Variants in BTG4 observed in about 807,000 individuals in gnomAD.
The protein encoded by BTG4 is BTG anti-proliferation factor 4, also known as protein BTG4.
In BTG4, 10 loss-of-function variants were observed where a neutral mutation model predicts 19.3. The observed-to-expected ratio is 0.52, with a 90% CI of 0.32 to 0.88. BTG4 has a LOEUF of 0.88. Among genes scored for constraint, BTG4 ranks in the 40% least tolerant of loss-of-function variants. The pLI is 0.04. For synonymous variants in BTG4, 91 were observed against 95.7 expected (o/e 0.95, Z 0.29); for missense variants, 238 against 281.9 (o/e 0.84, Z 1.11).
intron 5 of BTG4, among the ~76,000 whole-genome samples, chr11:111,487,423 T>A (rs971455845): frequency 4.6e-5 from 7 of 152,170 alleles, no homozygotes; most frequent in Admixed American, 2.0e-4. Flanking sequence ...CCTTCATTTT[T>A]AAAATACTCA....
chr11:111,387,438 T>G, the BTG4 span, among the ~76,000 whole-genome samples: 1 of 152,242 alleles, frequency 6.6e-6, no homozygotes, highest in Non-Finnish European at 1.5e-5. Context: ...ATCATATTCA[T>G]GTGATCAAAT....
At chr11:111,501,816 T>C (rs1012534964) in intron 1 of BTG4, among the ~76,000 whole-genome samples, 3 of 152,318 alleles carry the variant, frequency 2.0e-5, no homozygotes, top group South Asian at 2.1e-4. Context: ...TTTTTAAAAA[T>C]TGTTTAAAAG....
At chr11:111,500,188 T>A (rs1865981512) in intron 1 of BTG4, among the ~76,000 whole-genome samples, 1 of 152,040 alleles carries the variant, frequency 6.6e-6, no homozygotes, top group African/African-American at 2.4e-5. Context: ...TTCTTGGACC[T>A]TATTTCAGAT....
downstream of BTG4, chr11:111,463,595 C>A (rs952842274): frequency 1.3e-5 from 2 of 152,498 alleles, no homozygotes; most frequent in African/African-American, 4.8e-5. Context: ...GCGTGTGTCC[C>A]CAGTAGGTTC....
the BTG4 span, among the ~76,000 whole-genome samples, chr11:111,415,735 C>A: frequency 6.6e-6 from 1 of 152,134 alleles, no homozygotes; most frequent in Non-Finnish European, 1.5e-5. Context: ...GAGCCAGAGA[C>A]CCACAGTTTA....
intron 5 of BTG4, among the ~76,000 whole-genome samples, chr11:111,489,655 A>G (rs1022959458): frequency 6.6e-6 from 1 of 152,240 alleles, no homozygotes; most frequent in Non-Finnish European, 1.5e-5. Flanking sequence ...TCATTTACGA[A>G]GAATAAAATC....
chr11:111,387,659 C>G, the BTG4 span, among the ~76,000 whole-genome samples: 1 of 152,272 alleles, frequency 6.6e-6, no homozygotes, highest in East Asian at 1.9e-4. Context: ...AGTGTCCATG[C>G]CCCATTTTGC....
At chr11:111,447,426 A>G in the BTG4 span, among the ~76,000 whole-genome samples, 18 of 152,340 alleles carry the variant, frequency 1.2e-4, no homozygotes, top group African/African-American at 3.8e-4. Context: ...ACACGCACCA[A>G]AGGCAGAAGC....
the BTG4 span, among the ~76,000 whole-genome samples, chr11:111,433,152 T>C: frequency 8.0e-3 from 1,217 of 152,248 alleles, 15 homozygotes; most frequent in African/African-American, 0.028. Context: ...GGGCGCAATA[T>C]AAAATACACT....
chr11:111,386,400 T>A, the BTG4 span: 1 of 152,174 alleles, frequency 6.6e-6, no homozygotes, highest in Non-Finnish European at 1.5e-5. Context: ...TGTCATCAAC[T>A]CAGACATGGA....
At chr11:111,437,777 T>C in the BTG4 span, among the ~76,000 whole-genome samples, 72 of 152,302 alleles carry the variant, frequency 4.7e-4, 1 homozygote, top group East Asian at 0.013. Flanking sequence ...GGTCTCTTAC[T>C]TGCTTCTGCT....
At chr11:111,415,463 G>A in the BTG4 span, among the ~76,000 whole-genome samples, 3 of 152,236 alleles carry the variant, frequency 2.0e-5, no homozygotes, top group African/African-American at 7.2e-5. Flanking sequence ...CTATTTGAAA[G>A]CATCATGCCC....
intron 5 of BTG4, among the ~76,000 whole-genome samples, chr11:111,479,191 C>G (rs992033647): frequency 6.6e-6 from 1 of 152,030 alleles, no homozygotes; most frequent in Non-Finnish European, 1.5e-5. Flanking sequence ...AACCAGGAAG[C>G]CAGGAAGAAG....
the BTG4 span, among the ~76,000 whole-genome samples, chr11:111,425,074 T>C: frequency 1.3e-4 from 20 of 152,204 alleles, no homozygotes; most frequent in Admixed American, 9.8e-4. Flanking sequence ...CATAGAGGGC[T>C]ACATGAAGGA....
At chr11:111,505,268 C>T (rs1432987801) in intron 1 of BTG4, among the ~76,000 whole-genome samples, 1 of 151,740 alleles carries the variant, frequency 6.6e-6, no homozygotes, top group East Asian at 1.9e-4. Context: ...CAAAAATAAA[C>T]CCAGAGATTA....
chr11:111,443,250 G>C, the BTG4 span, among the ~76,000 whole-genome samples: 1 of 152,128 alleles, frequency 6.6e-6, no homozygotes, highest in Non-Finnish European at 1.5e-5. Context: ...CAAAAACAAG[G>C]AAAATTTGAG....
chr11:111,448,894 A>T, the BTG4 span, among the ~76,000 whole-genome samples: 1 of 152,192 alleles, frequency 6.6e-6, no homozygotes, highest in Admixed American at 6.5e-5. Flanking sequence ...TACCCAAAAA[A>T]AAAATTGTCT....
rs1448749646 is a variant in BTG4 at position 111,495,072 on chromosome 11, T to C, written c.*63A>G. On this transcript the variant is annotated 3_prime_UTR_variant, in exon 5 of 5. Transcript: ENST00000692032. ...GGGCCTCTCAACCTTAAATTCATTT[T>C]TATTTTAGAGAGAATAAAGGCACTC... is the stretch of plus-strand genomic sequence containing the variant. The C allele has an allele frequency of 7.0e-7, 1 of 1,423,332 alleles. No individual in the cohort carries two copies. Among genetic ancestry groups the C allele is most frequent in the Non-Finnish European group, 9.2e-7 (1 of 1,089,956 alleles). 88.2% of individuals were successfully genotyped at this position (1,423,332 alleles called of 1,614,324 possible).
the BTG4 span, among the ~76,000 whole-genome samples, chr11:111,384,171 C>T: frequency 6.6e-6 from 1 of 152,106 alleles, no homozygotes; most frequent in African/African-American, 2.4e-5. Flanking sequence ...AAAGTAACGG[C>T]AGTTTTATTT....
Sources: gnomAD v4.1 joint callset for allele counts (sites outside exome capture counted in the v4.1 genomes callset) on GRCh38, gnomAD v4.1.1 for gene constraint, MANE v1.5 for transcripts, NCBI Gene and HGNC (gene_info 2026-07-23, HGNC 2026-07-21) for gene names.